The following TEF variants were observed in gnomAD, a reference collection of about 807,000 sequenced individuals.
TEF encodes the protein thyrotroph embryonic factor.
In TEF, 3 loss-of-function variants were observed where a neutral mutation model predicts 20.8. The ratio of observed to expected loss-of-function variants is 0.14; its 90% CI spans 0.07 to 0.37. TEF has a LOEUF of 0.37. Ranked by LOEUF, TEF falls within the 10% of genes least tolerant of loss-of-function variation. TEF has a pLI of 1.00. For missense variants in TEF, 296 were observed against 397.9 expected (o/e 0.74, Z 2.18); for synonymous variants, 180 against 171.1 (o/e 1.05, Z -0.41).
At chr22:41,386,015 C>G (rs74563671) in intron 1 of TEF, among the ~76,000 whole-genome samples, 14,248 of 151,420 alleles carry the variant, frequency 0.094, 1,783 homozygotes, top group East Asian at 0.46. Context: ...TTAGGAGAGA[C>G]AGGGTTTCAT....
chr22:41,375,926 C>T (rs189488655), intron 1 of TEF, among the ~76,000 whole-genome samples: 15 of 152,062 alleles, frequency 9.9e-5, no homozygotes, highest in Non-Finnish European at 1.6e-4. Flanking sequence ...ATTTGATTTG[C>T]GCAAAAGACA....
chr22:41,386,456 A>G (rs1425777504), intron 1 of TEF, among the ~76,000 whole-genome samples: 1 of 148,550 alleles, frequency 6.7e-6, no homozygotes, highest in African/African-American at 2.5e-5. Context: ...AAAAAATAAA[A>G]CAGGCTGGGC....
intron 1 of TEF, among the ~76,000 whole-genome samples, chr22:41,382,654 G>T (rs535347961): frequency 2.6e-5 from 4 of 152,094 alleles, no homozygotes; most frequent in Admixed American, 6.6e-5. Context: ...GCAGGCCTAG[G>T]GTAGCGAACT....
chr22:41,369,149 C>G, intron 1 of TEF: 1 of 985,320 alleles, frequency 1.0e-6, no homozygotes, highest in Non-Finnish European at 1.2e-6. Flanking sequence ...AGGGGCGACT[C>G]GGGGCACTGC....
At chr22:41,374,769 A>G (rs774153372) in intron 1 of TEF, among the ~76,000 whole-genome samples, 5 of 151,884 alleles carry the variant, frequency 3.3e-5, no homozygotes, top group African/African-American at 4.8e-5. Context: ...GTTGAAGTGG[A>G]TCATTGTAAA....
intron 1 of TEF, among the ~76,000 whole-genome samples, chr22:41,375,540 G>A (rs551453499): frequency 6.6e-6 from 1 of 152,282 alleles, no homozygotes; most frequent in South Asian, 2.1e-4. Flanking sequence ...CGCGAGGTCA[G>A]GAGATCGAGG....
rs539557843 is a variant in TEF, at chr22:41,382,216, G to A, written c.157+15G>A. On this transcript the variant is annotated intron_variant, in intron 1 of 3. Coordinates refer to ENST00000266304, the MANE Select transcript of TEF (RefSeq NM_003216.4). ...GGCGCGCCTCGGTGAGGGCGGGGGG[G>A]TGGTCCGCGCGGGCTGGGGGCGGGG... 4.9e-6 allele frequency: 6 copies of A among 1,227,988 alleles called. No homozygotes were observed. Among genetic ancestry groups the A allele is most frequent in the Non-Finnish European group, 4.1e-6 (4 of 985,436 alleles). 76.1% of individuals were successfully genotyped at this position (1,227,988 alleles called of 1,614,324 possible).
intron 2 of TEF, among the ~76,000 whole-genome samples, chr22:41,389,202 C>T (rs1047287252): frequency 3.3e-5 from 5 of 152,186 alleles, no homozygotes; most frequent in African/African-American, 1.2e-4. Context: ...AGATTGAGAC[C>T]ATCCTGGTTA....
chr22:41,379,152 T>A (rs1206849501), upstream of TEF, among the ~76,000 whole-genome samples: 1 of 150,466 alleles, frequency 6.6e-6, no homozygotes, highest in Admixed American at 6.6e-5. Context: ...GCCTGGCCAA[T>A]GTGGTAAAAC....
chr22:41,382,128 A>C lies in TEF; in HGVS notation c.84A>C (p.Glu28Asp). 1 of 1,235,220 alleles carries C rather than the reference A, an allele frequency of 8.1e-7. No homozygotes were observed. Among genetic ancestry groups the C allele is most frequent in the Non-Finnish European group, 1.0e-6 (1 of 989,836 alleles). The allele number at this position is 1,235,220 out of a possible 1,614,324, so 76.5% of individuals were successfully genotyped here. A position where few individuals can be genotyped will look rare whatever the true frequency, so the allele number is the denominator to read the frequency against. The change falls in exon 1 of 4, where the codon GAA becomes GAC. Residue 28 changes from glutamate (E) to aspartate (D), a missense_variant. Glu to Asp is a conservative substitution (Grantham distance 45). Around this residue, in one of 2 missense-constraint regions of TEF, gnomAD observed 102 missense variants for 80.1 expected, o/e 1.27. Transcript: ENST00000266304. ...CGGGGCCGGGGCGCGCAGCTGGGGA[A>C]AGGGGCCTGTCGGGGTCCTTCCCCC... ...PGPGPGRAAG[E>D]RGLSGSFPLV...
intron 2 of TEF, among the ~76,000 whole-genome samples, chr22:41,389,654 A>G (rs1012215264): frequency 1.3e-5 from 2 of 149,556 alleles, no homozygotes; most frequent in African/African-American, 2.5e-5. Flanking sequence ...TTTTTTCTGT[A>G]GAGTCAGGGT....
chr22:41,390,495 CTTTTTTTTTTT>C (rs11358311), intron 2 of TEF, among the ~76,000 whole-genome samples: 1 of 80,364 alleles, frequency 1.2e-5, no homozygotes, highest in East Asian at 4.5e-4. Context: ...TCATTGTCAT[CTTTTTTTTTTT>C]TTTTTTTTTT....
In TEF at chr22:41,387,411, C is replaced by G; in HGVS notation, c.218C>G (p.Ala73Gly). ...GAGGCCGCAGCCGCCAGCACCATGG[C>G]TGTCTCAGCCTCCCTCATGCCACCC... is the stretch of plus-strand genomic sequence containing the variant. ...EDEAAAASTM[A>G]VSASLMPPIW... The change falls in exon 2 of 4, where the codon GCT (alanine) becomes GGT (glycine). Residue 73 changes from alanine to glycine, a missense_variant. This residue lies in a region of TEF where 194 missense variants were observed against 317.8 expected (regional missense o/e 0.61). Coordinates refer to ENST00000266304, the MANE Select transcript of TEF (RefSeq NM_003216.4). The G allele has an allele frequency of 6.2e-7, 1 of 1,614,270 alleles. No individual in the cohort carries two copies. The highest frequency in any genetic ancestry group is 8.5e-7 in the Non-Finnish European group (1 of 1,180,040).
At chr22:41,390,842 GAGA>G (rs2037156414) in intron 2 of TEF, among the ~76,000 whole-genome samples, 1 of 152,154 alleles carries the variant, frequency 6.6e-6, no homozygotes, top group Non-Finnish European at 1.5e-5. Flanking sequence ...ATGGGGAAAT[GAGA>G]ATTCCTCAAA....
chr22:41,383,362 A>G (rs1336040323), intron 1 of TEF, among the ~76,000 whole-genome samples: 4 of 152,088 alleles, frequency 2.6e-5, no homozygotes, highest in Non-Finnish European at 4.4e-5. Context: ...CTTTGTTCCA[A>G]ATCTGGGGCT....
intron 1 of TEF, among the ~76,000 whole-genome samples, chr22:41,370,383 G>A (rs2036869565): frequency 6.7e-6 from 1 of 149,842 alleles, no homozygotes; most frequent in African/African-American, 2.5e-5. Context: ...GAAGTGCTGG[G>A]ATTACAGGTG....
In TEF at chr22:41,397,028, C is replaced by A. The variant is rs9611576; in HGVS notation, c.*1068C>A. ...GGTGTGGCCTGGGCTGGAGTGCACTCTCCCTGGGGGCAGCTGGGGCCTCGC... is the reference window on the plus strand; with the variant it reads ...GGTGTGGCCTGGGCTGGAGTGCACTATCCCTGGGGGCAGCTGGGGCCTCGC... On this transcript the variant is annotated 3_prime_UTR_variant, in exon 4 of 4. Coordinates refer to ENST00000266304, the MANE Select transcript of TEF (RefSeq NM_003216.4). 0.44 allele frequency: 176,082 copies of A among 398,712 alleles called. 40,756 individuals are homozygous for A. Among genetic ancestry groups the A allele is most frequent in the Non-Finnish European group, 0.5 (112,540 of 226,346 alleles). The allele number at this position is 398,712 out of a possible 1,614,324, so 24.7% of individuals were successfully genotyped here.
upstream of TEF, chr22:41,381,801 G>T (rs916154667): frequency 9.6e-7 from 1 of 1,037,630 alleles, no homozygotes; most frequent in Non-Finnish European, 1.2e-6. Context: ...GAGGATCTGC[G>T]CCTGCCCCTC....
rs557515186 is a variant in TEF, at chr22:41,368,995, A to G, written c.67+1396A>G. On this transcript the variant is annotated intron_variant, in intron 1 of 3. Transcript: ENST00000406644. ...GGTGGGCAGAGCTGAACACATTTCC[A>G]AAAGCTAAGGTAGAGGGTCCCCTCC... The G allele has an allele frequency of 1.1e-5, 10 of 938,730 alleles. No homozygotes were observed. In the South Asian group the frequency reaches 3.0e-4, roughly 28 times the overall value. The allele number at this position is 938,730 out of a possible 1,614,324, so 58.2% of individuals were successfully genotyped here.
Sources: allele counts gnomAD v4.1 joint callset (sites outside exome capture counted in the v4.1 genomes callset), GRCh38; gene constraint gnomAD v4.1.1; regional missense constraint gnomAD v4.1.1; transcripts MANE v1.5; gene names NCBI Gene and HGNC (gene_info 2026-07-23, HGNC 2026-07-21).